SNED1: variants seen among roughly 807,000 people sequenced by gnomAD.
SNED1 encodes sushi, nidogen and EGF like domains 1.
A neutral mutation model predicts 166.7 loss-of-function variants in SNED1; 81 were observed. That is an observed-to-expected ratio of 0.49 (90% CI 0.41 to 0.58). The LOEUF (loss-of-function observed/expected upper bound fraction) is 0.58. Among genes scored for constraint, SNED1 ranks in the 20% least tolerant of loss-of-function variants. The pLI is 0.00. For missense variants in SNED1, 1,604 were observed against 2,000.2 expected (o/e 0.80, Z 3.78); for synonymous variants, 762 against 822.0 (o/e 0.93, Z 1.25).
chr2:241,089,710 G>C (rs765212646), intron 31 of SNED1, among the ~76,000 whole-genome samples: 1 of 152,196 alleles, frequency 6.6e-6, no homozygotes, highest in Non-Finnish European at 1.5e-5. Flanking sequence ...TCCTACAGCC[G>C]AGCATCACTT....
At chr2:241,047,510 C>T (rs141262555) in intron 8 of SNED1, among the ~76,000 whole-genome samples, 4 of 152,164 alleles carry the variant, frequency 2.6e-5, no homozygotes, top group Admixed American at 1.3e-4. Flanking sequence ...AGAGCACTCA[C>T]GTTATTCTCA....
At chr2:241,027,037 G>C (rs2060990243) in intron 1 of SNED1, among the ~76,000 whole-genome samples, 1 of 151,696 alleles carries the variant, frequency 6.6e-6, no homozygotes, top group Non-Finnish European at 1.5e-5. Flanking sequence ...ACTTAGCATA[G>C]TGTCTTTAAG....
At position 240,998,935 on chromosome 2, in the gene SNED1, C is replaced by G. The variant is rs1559201931; in HGVS notation, c.98C>G (p.Pro33Arg). Residue 33 changes from proline (P) to arginine (R), a missense_variant, in exon 1 of 32, where the codon CCG becomes CGG. Coordinates refer to ENST00000310397, the MANE Select transcript of SNED1 (RefSeq NM_001080437.3). ...GCGGTGGCCCTTGCCGACTTCTACC[C>G]GTTCGGCGCCGAGCGCGGCGACGCC... Reference protein sequence around the residue: ...RGAVALADFYPFGAERGDAVT... With the variant: ...RGAVALADFYRFGAERGDAVT... The G allele has an allele frequency of 1.6e-6, 2 of 1,279,590 alleles. No individual in the cohort carries two copies. Among genetic ancestry groups the G allele is most frequent in the Non-Finnish European group, 2.0e-6 (2 of 1,011,928 alleles). 79.3% of individuals were successfully genotyped at this position (1,279,590 alleles called of 1,614,324 possible). A position where few individuals can be genotyped will look rare whatever the true frequency, so the allele number is the denominator to read the frequency against.
In SNED1 at chr2:241,028,508, G is replaced by T. The variant is rs1023618904; in HGVS notation, c.214-1776G>T. ...GCCCAACTTCATCCTTTTGTATGTG[G>T]ATGTCCAGTTTTGCTGGCACCATTT... On this transcript the variant is annotated intron_variant, in intron 1 of 31. Transcript: ENST00000310397. Among the ~76,000 whole-genome samples the T allele has an allele frequency of 3.3e-5, 5 of 152,150 alleles. No individual in the cohort carries two copies. The South Asian group carries it at 1.0e-3, about 32-fold the overall frequency.
At chr2:241,072,135 C>G (rs1232472009) in intron 26 of SNED1, 1 of 692,056 alleles carries the variant, frequency 1.4e-6, no homozygotes, top group African/African-American at 1.8e-5. Flanking sequence ...TGGTAGGGCA[C>G]GCAAGAGAAG....
intron 8 of SNED1, among the ~76,000 whole-genome samples, chr2:241,041,762 A>G (rs568481398): frequency 1.3e-5 from 2 of 152,316 alleles, no homozygotes; most frequent in East Asian, 3.9e-4. Context: ...GATTGACTGT[A>G]TTACAAGGCG....
At chr2:241,025,596 T>G (rs1267718468) in intron 1 of SNED1, among the ~76,000 whole-genome samples, 1 of 152,222 alleles carries the variant, frequency 6.6e-6, no homozygotes, top group Non-Finnish European at 1.5e-5. Context: ...CCTTCTTTCC[T>G]TCTTGCATCT....
chr2:241,044,551 T>C (rs910448570), intron 8 of SNED1, among the ~76,000 whole-genome samples: 5 of 152,164 alleles, frequency 3.3e-5, no homozygotes, highest in African/African-American at 1.2e-4. Flanking sequence ...CATTTTTTGT[T>C]TTTTGCTTTG....
chr2:241,050,322 C>T (rs1053525732), intron 12 of SNED1, among the ~76,000 whole-genome samples: 2 of 152,174 alleles, frequency 1.3e-5, no homozygotes, highest in Non-Finnish European at 2.9e-5. Context: ...ATAGAAGTGT[C>T]CTTCTGTAAG....
chr2:241,086,409 ATC>A (rs1220559506), intron 29 of SNED1, among the ~76,000 whole-genome samples: 1 of 151,694 alleles, frequency 6.6e-6, no homozygotes, highest in East Asian at 1.9e-4. Flanking sequence ...CCCAACTTCA[ATC>A]TCTGTTTCCT....
intron 16 of SNED1, among the ~76,000 whole-genome samples, chr2:241,054,440 A>G (rs2061983128): frequency 6.6e-6 from 1 of 152,196 alleles, no homozygotes; most frequent in South Asian, 2.1e-4. Flanking sequence ...GTGGTGGCAC[A>G]TGCCTGTAGT....
At chr2:241,065,693 C>T (rs2062416084) in intron 21 of SNED1, 98 bp downstream of exon 21, 3 of 1,031,774 alleles carry the variant, frequency 2.9e-6, no homozygotes, top group African/African-American at 3.2e-5. Flanking sequence ...GCCGTCCACC[C>T]TCCTAGTTCT....
intron 3 of SNED1, among the ~76,000 whole-genome samples, chr2:241,034,215 G>A (rs1205293000): frequency 1.3e-5 from 2 of 152,228 alleles, no homozygotes; most frequent in Admixed American, 6.5e-5. Flanking sequence ...AGGAAACCCC[G>A]GGTGTGGAGG....
At chr2:241,015,170 G>A (rs539492361) in intron 1 of SNED1, among the ~76,000 whole-genome samples, 1 of 152,308 alleles carries the variant, frequency 6.6e-6, no homozygotes, top group East Asian at 1.9e-4. Flanking sequence ...GATATTTATT[G>A]GGATTGCATT....
intron 27 of SNED1, among the ~76,000 whole-genome samples, chr2:241,079,565 G>A (rs982156403): frequency 6.6e-6 from 1 of 152,152 alleles, no homozygotes; most frequent in Non-Finnish European, 1.5e-5. Context: ...GGAAAGAACT[G>A]CATAATGGGA....
In SNED1 at chr2:241,055,124, AAAAAG is replaced by A. The variant is rs531897634; in HGVS notation, c.2257+1803_2257+1807del. The stretch of plus-strand genomic sequence containing the variant: ...AGAGTAAGACTCTGTCTCAAAAAAA[AAAAAG>A]AAAAAATATTTGTGCTGTAGAGGGT... On this transcript the variant is annotated intron_variant, in intron 16 of 31. Transcript: ENST00000310397. 2.2e-3 allele frequency among the ~76,000 whole-genome samples: 341 copies of A among 152,278 alleles called. 1 individual carries two copies. The highest frequency in any genetic ancestry group is 7.8e-3 in the African/African-American group (325 of 41,548).
intron 1 of SNED1, among the ~76,000 whole-genome samples, chr2:241,029,008 G>A (rs1307213245): frequency 6.6e-6 from 1 of 152,230 alleles, no homozygotes; most frequent in Non-Finnish European, 1.5e-5. Context: ...TTGCCTCTGT[G>A]TAGAAGGCAG....
intron 1 of SNED1, among the ~76,000 whole-genome samples, chr2:241,027,089 T>C (rs1388459695): frequency 6.6e-6 from 1 of 151,956 alleles, no homozygotes; most frequent in Non-Finnish European, 1.5e-5. Context: ...CCCTACTTTT[T>C]TTTTTTTTAA....
At position 241,024,433 on chromosome 2, in the gene SNED1, G is replaced by C. The variant is rs1387973777; in HGVS notation, c.214-5851G>C. 2.0e-5 allele frequency among the ~76,000 whole-genome samples: 3 copies of C among 150,022 alleles called. No individual in the cohort carries two copies. The East Asian group carries it at 6.0e-4, about 30-fold the overall frequency. ...GCTAATTTTTTTTGTATTTTTAGTA[G>C]AGACAGGGTTTCACTATGTTGGCCA... is the stretch of plus-strand genomic sequence containing the variant. On this transcript the variant is annotated intron_variant, in intron 1 of 31. Coordinates refer to ENST00000310397, the MANE Select transcript of SNED1 (RefSeq NM_001080437.3).
Sources: allele counts gnomAD v4.1 joint callset (sites outside exome capture counted in the v4.1 genomes callset), GRCh38; gene constraint gnomAD v4.1.1; transcripts MANE v1.5; gene names NCBI Gene and HGNC (gene_info 2026-07-23, HGNC 2026-07-21).